TSPAN14: variants seen among roughly 807,000 people sequenced by gnomAD.
The protein encoded by TSPAN14 is tetraspanin 14, also known as tetraspanin-14.
Under a neutral mutation model 36.6 loss-of-function variants are expected in TSPAN14, and 16 were observed. The observed-to-expected ratio is 0.44, with a 90% CI of 0.30 to 0.66. The LOEUF (loss-of-function observed/expected upper bound fraction) is 0.66. Ranked by LOEUF, TSPAN14 falls within the 30% of genes least tolerant of loss-of-function variation. The pLI is 0.12. For synonymous variants in TSPAN14, 139 were observed against 143.8 expected, an observed-to-expected ratio of 0.97 and a Z score of 0.24; for missense variants, 231 against 355.1, an observed-to-expected ratio of 0.65 and a Z score of 2.81.
At chr10:80,485,785 C>A (rs1456367063) in intron 1 of TSPAN14, 2 of 690,344 alleles carry the variant, frequency 2.9e-6, no homozygotes, top group Non-Finnish European at 3.6e-6. Context: ...TGAAATGTTT[C>A]TTTTCAACAG....
At chr10:80,519,044 G>C (rs1297582364) in exon 9 of TSPAN14, 1 of 152,784 alleles carries the variant, frequency 6.5e-6, no homozygotes, top group Admixed American at 6.5e-5. Context: ...TTTGAATCCT[G>C]ACCCTCCCCA....
At chr10:80,492,368 T>C (rs1387570112) in intron 2 of TSPAN14, among the ~76,000 whole-genome samples, 1 of 152,152 alleles carries the variant, frequency 6.6e-6, no homozygotes, top group East Asian at 1.9e-4. Context: ...GAATTAACAG[T>C]GAGCAGTGGT....
intron 2 of TSPAN14, among the ~76,000 whole-genome samples, chr10:80,502,824 G>C (rs574797473): frequency 6.6e-6 from 1 of 152,240 alleles, no homozygotes; most frequent in East Asian, 1.9e-4. Flanking sequence ...TGGTATTTAA[G>C]CCTTGTGAAT....
intron 2 of TSPAN14, among the ~76,000 whole-genome samples, chr10:80,489,598 CT>C (rs1168077457): frequency 1.3e-5 from 2 of 152,250 alleles, no homozygotes; most frequent in Non-Finnish European, 2.9e-5. Flanking sequence ...TACCTGCCCC[CT>C]GTTCCGATCC....
At chr10:80,466,170 C>G (rs942072321) in intron 1 of TSPAN14, among the ~76,000 whole-genome samples, 1 of 152,176 alleles carries the variant, frequency 6.6e-6, no homozygotes, top group Non-Finnish European at 1.5e-5. Flanking sequence ...TCCTGGCTGT[C>G]TTATTTGATT....
chr10:80,487,893 G>A (rs1847704382), intron 1 of TSPAN14, among the ~76,000 whole-genome samples: 1 of 152,128 alleles, frequency 6.6e-6, no homozygotes, highest in African/African-American at 2.4e-5. Flanking sequence ...GAGGTGGAGC[G>A]GTCACAGGTT....
chr10:80,500,314 CTTTTTTTTTTTT>C (rs144759161), intron 2 of TSPAN14, among the ~76,000 whole-genome samples: 159 of 47,890 alleles, frequency 3.3e-3, no homozygotes, highest in African/African-American at 0.012. Flanking sequence ...AGGCCTTATT[CTTTTTTTTTTTT>C]TTTTTTTTTT....
intron 1 of TSPAN14, among the ~76,000 whole-genome samples, chr10:80,481,457 T>C (rs1377696857): frequency 1.3e-5 from 2 of 152,198 alleles, no homozygotes; most frequent in African/African-American, 4.8e-5. Flanking sequence ...TCATGTGTTA[T>C]GTTGCTCACT....
chr10:80,504,896 G>T, intron 3 of TSPAN14, 118 bp downstream of exon 3: 1 of 1,106,164 alleles, frequency 9.0e-7, no homozygotes, highest in Non-Finnish European at 1.4e-6. Flanking sequence ...GCAGTGTCAA[G>T]GTGTATAATT....
chr10:80,478,452 AAAATATTGCCTG>A (rs557593097), intron 1 of TSPAN14, among the ~76,000 whole-genome samples: 67 of 152,344 alleles, frequency 4.4e-4, no homozygotes, highest in African/African-American at 1.5e-3. Context: ...ATCATTGAGG[AAAATATTGCCTG>A]AAATAGGTTA....
chr10:80,473,206 C>A (rs562056227), intron 1 of TSPAN14, among the ~76,000 whole-genome samples: 1 of 152,320 alleles, frequency 6.6e-6, no homozygotes, highest in East Asian at 1.9e-4. Context: ...CCACTGAGGA[C>A]TCCCCTGACT....
rs560991933 is a variant in TSPAN14 at position 80,495,984 on chromosome 10, ACT to A, written c.81+6673_81+6674del. Among the ~76,000 whole-genome samples, 76 of 150,960 alleles carry A rather than the reference ACT, an allele frequency of 5.0e-4. 2 individuals carry two copies. The highest frequency in any genetic ancestry group is 1.8e-3 in the African/African-American group (74 of 41,018). The stretch of plus-strand genomic sequence containing the variant: ...TCTGCCTCCTGTTGCTATAAATTAA[ACT>A]CTTTGGTATCTGACTTTTTTTTAGT... On this transcript the variant is annotated intron_variant, in intron 2 of 8. Transcript: ENST00000429989.
chr10:80,461,654 G>A (rs567222655), intron 1 of TSPAN14, among the ~76,000 whole-genome samples: 16 of 152,094 alleles, frequency 1.1e-4, no homozygotes, highest in African/African-American at 3.1e-4. Flanking sequence ...TAGCCCTGAC[G>A]CTCCCCTCCA....
At chr10:80,489,153 C>T in intron 1 of TSPAN14, 64 bp from the exon 2 acceptor site, 1 of 1,088,734 alleles carries the variant, frequency 9.2e-7, no homozygotes, top group Non-Finnish European at 1.4e-6. Context: ...CGCATATGAG[C>T]TGGTTTGGGG....
chr10:80,516,065 T>C, intron 7 of TSPAN14, 139 bp from the exon 8 acceptor site: 1 of 1,325,188 alleles, frequency 7.5e-7, no homozygotes, highest in East Asian at 2.3e-5. Flanking sequence ...GAGCATCTCC[T>C]GGAGAGTCCT....
chr10:80,501,625 C>G (rs1360271649), intron 2 of TSPAN14, among the ~76,000 whole-genome samples: 1 of 152,184 alleles, frequency 6.6e-6, no homozygotes, highest in East Asian at 1.9e-4. Flanking sequence ...TAGGCAGGGG[C>G]TGGAATGTCT....
chr10:80,474,505 T>G lies in TSPAN14; in HGVS notation c.-17-14712T>G, dbSNP rs146691142. Among the ~76,000 whole-genome samples the G allele has an allele frequency of 4.2e-4, 63 of 151,308 alleles. No homozygotes were observed. The East Asian group carries it at 0.012, about 29-fold the overall frequency. On this transcript the variant is annotated intron_variant, in intron 1 of 8. Transcript: ENST00000429989. ...GGGAGGTATTGGAGCGTGAGGAGTTTAGGAAAGCTCCTGAGTGTCTGGGTG... is the reference window on the plus strand; with the variant it reads ...GGGAGGTATTGGAGCGTGAGGAGTTGAGGAAAGCTCCTGAGTGTCTGGGTG...
At chr10:80,458,783 A>T (rs1372962419) in intron 1 of TSPAN14, among the ~76,000 whole-genome samples, 1 of 152,170 alleles carries the variant, frequency 6.6e-6, no homozygotes, top group Non-Finnish European at 1.5e-5. Context: ...TTTGATTTAG[A>T]CAGGGCAAGT....
intron 1 of TSPAN14, among the ~76,000 whole-genome samples, chr10:80,481,020 T>C (rs1019747626): frequency 6.6e-6 from 1 of 152,166 alleles, no homozygotes; most frequent in East Asian, 1.9e-4. Context: ...CAGGAGAATC[T>C]CTGGAACCCG....
Sources: gnomAD v4.1 joint callset for allele counts (sites outside exome capture counted in the v4.1 genomes callset) on GRCh38, gnomAD v4.1.1 for gene constraint, MANE v1.5 for transcripts, NCBI Gene and HGNC (gene_info 2026-07-23, HGNC 2026-07-21) for gene names.